The following DCHS2 variants were observed in gnomAD, a reference collection of about 807,000 sequenced individuals.
DCHS2 encodes the protein dachsous cadherin-related 2.
Under a neutral mutation model 182.4 loss-of-function variants are expected in DCHS2, and 142 were observed. The observed-to-expected ratio is 0.78, with a 90% confidence interval of 0.68 to 0.89. The LOEUF is 0.89. Ranked by LOEUF, DCHS2 falls within the 40% of genes least tolerant of loss-of-function variation. The pLI is 0.00. For synonymous variants in DCHS2, 1,740 were observed against 1,663.3 expected, an observed-to-expected ratio of 1.05 and a Z score of -1.12; for missense variants, 4,319 against 4,198.6, an observed-to-expected ratio of 1.03 and a Z score of -0.79.
intron 10 of DCHS2, among the ~76,000 whole-genome samples, chr4:154,310,106 G>A (rs1037314760): frequency 6.6e-6 from 1 of 152,122 alleles, no homozygotes; most frequent in African/African-American, 2.4e-5. Context: ...CATAACCAGA[G>A]TCAGATTTCA....
intron 9 of DCHS2, among the ~76,000 whole-genome samples, chr4:154,316,280 T>C (rs1206636615): frequency 6.6e-6 from 1 of 152,196 alleles, no homozygotes; most frequent in Non-Finnish European, 1.5e-5. Flanking sequence ...CTAGCCAACA[T>C]CTACCTCCCT....
chr4:154,481,769 A>G (rs146122390), intron 1 of DCHS2, among the ~76,000 whole-genome samples: 3 of 152,316 alleles, frequency 2.0e-5, no homozygotes, highest in East Asian at 3.9e-4. Context: ...TGAGGCTTAC[A>G]AAGGTTTAGG....
chr4:154,309,766 C>T (rs2111311256), intron 10 of DCHS2, among the ~76,000 whole-genome samples: 1 of 152,306 alleles, frequency 6.6e-6, no homozygotes, highest in Non-Finnish European at 1.5e-5. Flanking sequence ...ACTTGGAGTG[C>T]TGTCACGATT....
At chr4:154,322,687 A>G in intron 7 of DCHS2, 199 bp from the exon 8 acceptor site, 2 of 656,698 alleles carry the variant, frequency 3.0e-6, no homozygotes, top group South Asian at 5.5e-5. Context: ...CATACAAAAA[A>G]GTGGACAAAA....
At chr4:154,260,330 T>C (rs1174619484) in intron 14 of DCHS2, among the ~76,000 whole-genome samples, 1 of 152,194 alleles carries the variant, frequency 6.6e-6, no homozygotes, top group Non-Finnish European at 1.5e-5. Context: ...TCTCTCTCCA[T>C]ATTTACCCCC....
Position 154,277,152 on chromosome 4 carries a change from T to C in DCHS2, c.6464-7139A>G, listed in dbSNP as rs78644587. ...TTGTTTCTTTTGTTGGCATAGCTTT[T>C]TCTTTTCTTACTGCCACTCTTAAGA... On this transcript the variant is annotated intron_variant, in intron 13 of 19. Transcript: ENST00000357232. 6.6e-5 allele frequency among the ~76,000 whole-genome samples: 10 copies of C among 152,340 alleles called. No homozygotes were observed. In the East Asian group the frequency reaches 1.9e-3, roughly 29 times the overall value.
At chr4:154,337,723 T>A (rs1467508246) in intron 3 of DCHS2, among the ~76,000 whole-genome samples, 1 of 150,600 alleles carries the variant, frequency 6.6e-6, no homozygotes, top group Non-Finnish European at 1.5e-5. Flanking sequence ...TAACAATTTC[T>A]AGCCATATTT....
At chr4:154,241,343 T>C (rs1014838715) in intron 17 of DCHS2, among the ~76,000 whole-genome samples, 1 of 152,176 alleles carries the variant, frequency 6.6e-6, no homozygotes, top group Non-Finnish European at 1.5e-5. Flanking sequence ...ACACACTGCT[T>C]CCTTTTCTTA....
intron 13 of DCHS2, among the ~76,000 whole-genome samples, chr4:154,280,865 T>C (rs1398305080): frequency 1.1e-4 from 16 of 151,472 alleles, no homozygotes; most frequent in Admixed American, 3.9e-4. Flanking sequence ...TCTTACTCTG[T>C]CACCCAGGCT....
rs781040952 is a variant in DCHS2, at chr4:154,320,695, T to G, written c.4704A>C (p.Thr1568=). 4 of 1,614,106 alleles carry G rather than the reference T, an allele frequency of 2.5e-6. No homozygotes were observed. In the South Asian group the frequency reaches 4.4e-5, roughly 18 times the overall value. ...TGTCAAGACGGGACACAGTGACTAG[T>G]GTGCCAAATGAGGGGTGGATGAGAA... is the stretch of plus-strand genomic sequence containing the variant. ...NPFLIHPSFG[T]LVTVSRLDRE... is the part of the protein sequence containing the mutation. The change falls in exon 9 of 20, where the codon ACA becomes ACC. Residue 1568 remains threonine, a synonymous_variant. Coordinates refer to ENST00000357232, the MANE Select transcript of DCHS2 (RefSeq NM_001358235.2).
rs759531149 is a variant in DCHS2, at chr4:154,259,486, T to A, written c.6789+59A>T. 321 of 1,567,082 alleles carry A rather than the reference T, an allele frequency of 2.0e-4. 1 individual carries two copies. Among genetic ancestry groups the A allele is most frequent in the Middle Eastern group, 1.2e-3 (6 of 5,040 alleles). ...CTTGTAATAATTCTCTCTCTCTCTC[T>A]CACACAGACACACCCACACACACAC... On this transcript the variant is annotated intron_variant, in intron 15 of 19. Coordinates refer to ENST00000357232, the MANE Select transcript of DCHS2 (RefSeq NM_001358235.2).
In DCHS2 at chr4:154,232,264, C is replaced by G. The variant is rs565316288; in HGVS notation, c.*2272G>C. On this transcript the variant is annotated 3_prime_UTR_variant, in exon 20 of 20. Coordinates refer to ENST00000357232, the MANE Select transcript of DCHS2 (RefSeq NM_001358235.2). ...CACTCTAGTTGAAAGAGCTGACATA[C>G]GATTTATTGCAAACACTTAACCAGC... 1 of 152,100 alleles carries G rather than the reference C, an allele frequency of 6.6e-6. No individual in the cohort carries two copies. The highest frequency in any genetic ancestry group is 1.5e-5 in the Non-Finnish European group (1 of 67,994). 9.4% of individuals were successfully genotyped at this position (152,100 alleles called of 1,614,324 possible). A position where few individuals can be genotyped will look rare whatever the true frequency, so the allele number is the denominator to read the frequency against.
chr4:154,241,654 C>T (rs1007482253), intron 17 of DCHS2, among the ~76,000 whole-genome samples: 19 of 152,118 alleles, frequency 1.2e-4, no homozygotes, highest in African/African-American at 3.6e-4. Context: ...CCAACCACAC[C>T]GTACCCTATT....
chr4:154,398,101 CATCTGGTACATGTTT>C (rs1732007751), intron 1 of DCHS2, among the ~76,000 whole-genome samples: 2 of 152,278 alleles, frequency 1.3e-5, no homozygotes, highest in East Asian at 3.9e-4. Flanking sequence ...GGAAAAATCC[CATCTGGTACATGTTT>C]ATCTTCTATG....
At chr4:154,474,792 G>T (rs1264956136) in intron 1 of DCHS2, among the ~76,000 whole-genome samples, 1 of 152,134 alleles carries the variant, frequency 6.6e-6, no homozygotes, top group Non-Finnish European at 1.5e-5. Flanking sequence ...TCCATGCAGG[G>T]TGTTGTGAAA....
At chr4:154,317,802 G>A (rs1578956743) in intron 9 of DCHS2, among the ~76,000 whole-genome samples, 1 of 152,122 alleles carries the variant, frequency 6.6e-6, no homozygotes, top group Non-Finnish European at 1.5e-5. Flanking sequence ...GACAAGTAAA[G>A]TTGAGGGTGA....
intron 1 of DCHS2, chr4:154,486,488 G>C (rs1187899557): frequency 7.7e-7 from 1 of 1,304,644 alleles, no homozygotes; most frequent in Non-Finnish European, 1.0e-6. Context: ...GTTTTTGTTT[G>C]ATTTTGACAA....
intron 1 of DCHS2, among the ~76,000 whole-genome samples, chr4:154,469,981 GA>G (rs1735393907): frequency 6.6e-6 from 1 of 152,088 alleles, no homozygotes; most frequent in Non-Finnish European, 1.5e-5. Context: ...TCTCCCACAA[GA>G]AAACAACTCC....
intron 1 of DCHS2, among the ~76,000 whole-genome samples, chr4:154,416,988 C>T (rs1732858291): frequency 6.6e-6 from 1 of 152,120 alleles, no homozygotes. Flanking sequence ...CTCCCATTAC[C>T]CTCTCCCAGC....
Sources: allele counts gnomAD v4.1 joint callset (sites outside exome capture counted in the v4.1 genomes callset), GRCh38; gene constraint gnomAD v4.1.1; transcripts MANE v1.5; gene names NCBI Gene and HGNC (gene_info 2026-07-23, HGNC 2026-07-21).